RBFOX3: variants seen among roughly 807,000 people sequenced by gnomAD.
The protein encoded by RBFOX3 is RNA binding protein fox-1 homolog 3.
In RBFOX3, 17 loss-of-function variants were observed where a neutral mutation model predicts 48.7. The observed-to-expected ratio is 0.35, with a 90% confidence interval of 0.24 to 0.52. The LOEUF is 0.52. RBFOX3 is among the 20% of genes least tolerant of loss of function. RBFOX3 has a pLI of 0.94. For missense variants in RBFOX3, 382 were observed against 497.5 expected, an observed-to-expected ratio of 0.77 and a Z score of 2.21; for synonymous variants, 212 against 209.5, an observed-to-expected ratio of 1.01 and a Z score of -0.10.
chr17:79,281,638 A>G (rs1300056878), intron 3 of RBFOX3, among the ~76,000 whole-genome samples: 2 of 152,232 alleles, frequency 1.3e-5, no homozygotes, highest in African/African-American at 2.4e-5. Context: ...CAGCACTCAC[A>G]TCTCTGCACC....
At chr17:79,507,763 C>T (rs1000132441) in intron 1 of RBFOX3, among the ~76,000 whole-genome samples, 2 of 152,118 alleles carry the variant, frequency 1.3e-5, no homozygotes, top group Non-Finnish European at 2.9e-5. Flanking sequence ...AATGACCACC[C>T]CAAAGGGAGA....
intron 1 of RBFOX3, among the ~76,000 whole-genome samples, chr17:79,519,243 A>G (rs1005771315): frequency 3.4e-3 from 512 of 152,296 alleles, no homozygotes; most frequent in African/African-American, 0.012. Context: ...GGGAGCCTGC[A>G]CACCCCACGC....
intron 2 of RBFOX3, among the ~76,000 whole-genome samples, chr17:79,399,919 C>T (rs2062575665): frequency 6.6e-6 from 1 of 152,346 alleles, no homozygotes; most frequent in East Asian, 1.9e-4. Flanking sequence ...GGAATCTAGA[C>T]ATCGTTTCCC....
At chr17:79,642,253 T>A in the RBFOX3 span, among the ~76,000 whole-genome samples, 2 of 152,052 alleles carry the variant, frequency 1.3e-5, no homozygotes, top group Non-Finnish European at 2.9e-5. Context: ...GACATAAAGG[T>A]CCGGTTATGT....
At chr17:79,487,321 G>T (rs2149545435) in intron 1 of RBFOX3, among the ~76,000 whole-genome samples, 1 of 152,358 alleles carries the variant, frequency 6.6e-6, no homozygotes, top group South Asian at 2.1e-4. Flanking sequence ...GCCCTGGCTG[G>T]CCCCGACGAC....
chr17:79,306,776 GTCC>G (rs1459550275), intron 3 of RBFOX3, among the ~76,000 whole-genome samples: 1 of 152,222 alleles, frequency 6.6e-6, no homozygotes, highest in Non-Finnish European at 1.5e-5. Context: ...CGTGCCGGGT[GTCC>G]TCCTCCACCC....
At position 79,194,913 on chromosome 17, in the gene RBFOX3, T is replaced by TTTGTTTG. The variant is rs1555599716; in HGVS notation, c.-34+40852_-34+40853insCAAACAA. On this transcript the variant is annotated intron_variant, in intron 4 of 14. Coordinates refer to ENST00000693108, the MANE Select transcript of RBFOX3 (RefSeq NM_001350451.2). ...AAAGCGTATAATTGAGTGCCCCCAGTTTTGTTTGTTTTACTTTCTCAATGT... is the reference window on the plus strand; with the variant it reads ...AAAGCGTATAATTGAGTGCCCCCAGTTTGTTTGTTTGTTTGTTTTACTTTCTCAATGT... Among the ~76,000 whole-genome samples the TTTGTTTG allele has an allele frequency of 4.6e-5, 7 of 151,972 alleles. No homozygotes were observed. In the South Asian group the frequency reaches 1.5e-3, roughly 32 times the overall value.
Position 79,195,838 on chromosome 17 carries a change from G to T in RBFOX3, c.-34+39928C>A, listed in dbSNP as rs1298641915. ...AAGTGTCCTAGTGGCCAGCTCCCGT[G>T]CGGCTGCACTCGCTTGCATTTGGCT... On this transcript the variant is annotated intron_variant, in intron 4 of 14. Transcript: ENST00000693108. The surrounding 1 kb of genome is among the most constrained non-coding windows in gnomAD (Gnocchi z 5.3). 6.6e-6 allele frequency among the ~76,000 whole-genome samples: 1 copy of T among 152,244 alleles called. No individual in the cohort carries two copies. Among genetic ancestry groups the T allele is most frequent in the Non-Finnish European group, 1.5e-5 (1 of 68,046 alleles).
chr17:79,483,760 C>T (rs1277966649), intron 1 of RBFOX3, among the ~76,000 whole-genome samples: 6 of 151,814 alleles, frequency 4.0e-5, no homozygotes, highest in South Asian at 4.2e-4. Flanking sequence ...GGGCTCACTC[C>T]GTATTCTTCT....
At chr17:79,526,350 T>C (rs1434215690) in intron 1 of RBFOX3, among the ~76,000 whole-genome samples, 1 of 152,146 alleles carries the variant, frequency 6.6e-6, no homozygotes, top group Non-Finnish European at 1.5e-5. Context: ...GGACCAGGCG[T>C]TGAGCCAAGT....
At chr17:79,444,099 A>C (rs1346668106) in intron 2 of RBFOX3, among the ~76,000 whole-genome samples, 1 of 152,172 alleles carries the variant, frequency 6.6e-6, no homozygotes, top group Non-Finnish European at 1.5e-5. Flanking sequence ...AGGTCAGTGA[A>C]TCATTAGGGG....
At chr17:79,437,143 A>C (rs1555731611) in intron 2 of RBFOX3, among the ~76,000 whole-genome samples, 2 of 151,830 alleles carry the variant, frequency 1.3e-5, no homozygotes, top group African/African-American at 4.8e-5. Flanking sequence ...TCTCCTCTGG[A>C]TTCCCCATGC....
the RBFOX3 span, among the ~76,000 whole-genome samples, chr17:79,633,619 G>A: frequency 2.3e-4 from 35 of 152,106 alleles, no homozygotes; most frequent in African/African-American, 7.5e-4. Context: ...TAACTGTAAC[G>A]GATTCTGTGT....
At chr17:79,338,103 T>G (rs1027263802) in intron 2 of RBFOX3, among the ~76,000 whole-genome samples, 22 of 152,026 alleles carry the variant, frequency 1.4e-4, no homozygotes, top group African/African-American at 5.3e-4. Flanking sequence ...CATGCCCGGA[T>G]AATTTTTGTA....
In RBFOX3 at chr17:79,213,315, C is replaced by T. The variant is rs375681549; in HGVS notation, c.-34+22451G>A. Among the ~76,000 whole-genome samples the T allele has an allele frequency of 1.8e-4, 28 of 152,286 alleles. No homozygotes were observed. In the East Asian group the frequency reaches 3.3e-3, roughly 18 times the overall value. On this transcript the variant is annotated intron_variant, in intron 4 of 14. Transcript: ENST00000693108. ...TGCACTCACCCAGGAAGGGGAAGGACGCGGCGGGGGGGCACCTGGATCCAC... is the reference window on the plus strand; with the variant it reads ...TGCACTCACCCAGGAAGGGGAAGGATGCGGCGGGGGGGCACCTGGATCCAC...
chr17:79,518,992 G>A (rs1025107607), intron 1 of RBFOX3, among the ~76,000 whole-genome samples: 4 of 152,244 alleles, frequency 2.6e-5, no homozygotes, highest in East Asian at 1.9e-4. Context: ...GCCAGCCATC[G>A]CGGGAGACGC....
chr17:79,258,642 C>T (rs371385915), intron 3 of RBFOX3, among the ~76,000 whole-genome samples: 10 of 152,142 alleles, frequency 6.6e-5, no homozygotes, highest in African/African-American at 2.4e-4. Context: ...GGACAGGGAA[C>T]GTGGCGAAGT....
intron 5 of RBFOX3, among the ~76,000 whole-genome samples, chr17:79,107,894 C>G (rs993293593): frequency 6.6e-6 from 1 of 152,216 alleles, no homozygotes; most frequent in Non-Finnish European, 1.5e-5. Flanking sequence ...GGTGGGTGCA[C>G]GCTCCAGCTC....
intron 2 of RBFOX3, among the ~76,000 whole-genome samples, chr17:79,406,340 C>G (rs372057657): frequency 6.6e-6 from 1 of 152,176 alleles, no homozygotes; most frequent in African/African-American, 2.4e-5. Context: ...CCGTGGCTCC[C>G]GCTGGGGGAT....
Sources: allele counts gnomAD v4.1 joint callset (sites outside exome capture counted in the v4.1 genomes callset), GRCh38; gene constraint gnomAD v4.1.1; non-coding constraint Gnocchi (gnomAD v3.1); transcripts MANE v1.5; gene names NCBI Gene and HGNC (gene_info 2026-07-23, HGNC 2026-07-21).